WDR90: variants seen among roughly 807,000 people sequenced by gnomAD.
The protein encoded by WDR90 is WD repeat domain 90, also known as WD repeat-containing protein 90.
Under a neutral mutation model 195.2 loss-of-function variants are expected in WDR90, and 238 were observed. The ratio of observed to expected loss-of-function variants is 1.22; its 90% CI spans 1.10 to 1.36. The LOEUF (loss-of-function observed/expected upper bound fraction) is 1.36. WDR90 is among the 40% of genes most tolerant of loss of function. The pLI is 0.00. For synonymous variants in WDR90, 1,265 were observed against 1,052.4 expected, an observed-to-expected ratio of 1.20 and a Z score of -3.91; for missense variants, 2,734 against 2,439.5, an observed-to-expected ratio of 1.12 and a Z score of -2.54.
At chr16:654,791 T>G in intron 13 of WDR90, 1 of 560,216 alleles carries the variant, frequency 1.8e-6, no homozygotes, top group East Asian at 2.9e-5. Flanking sequence ...CGGGGGGGTT[T>G]GTACTTCTCT....
At chr16:659,989 C>A in intron 26 of WDR90, 69 bp from the exon 27 acceptor site, 1 of 1,171,580 alleles carries the variant, frequency 8.5e-7, no homozygotes, top group Non-Finnish European at 1.2e-6. Flanking sequence ...GGGGAGACTG[C>A]GTGTAGTGTG....
At chr16:659,464 A>G in intron 26 of WDR90, 88 bp downstream of exon 26, 1 of 1,497,972 alleles carries the variant, frequency 6.7e-7, no homozygotes, top group Non-Finnish European at 9.0e-7. Flanking sequence ...ACGCACGTCC[A>G]GCTCTGGGGT....
rs1285250814 is a variant in WDR90 at position 662,203 on chromosome 16, GC to G, written c.4034-16del. 2 of 1,531,898 alleles carry G rather than the reference GC, an allele frequency of 1.3e-6. No individual in the cohort carries two copies. The highest frequency in any genetic ancestry group is 1.8e-6 in the Non-Finnish European group (2 of 1,137,770). 94.9% of individuals were successfully genotyped at this position (1,531,898 alleles called of 1,614,324 possible). ...GGGAAGGCAGCCGTGGCCCCTTATG[GC>G]TCCTCCTGCCCCTAGGGCTGTTGCT... On this transcript the variant is annotated splice_polypyrimidine_tract_variant and intron_variant, in intron 32 of 40. Coordinates refer to ENST00000293879, the MANE Select transcript of WDR90 (RefSeq NM_145294.5).
rs2037753216 is a variant in WDR90, at chr16:656,313, C to T, written c.1978C>T (p.Pro660Ser). 6.2e-7 allele frequency: 1 copy of T among 1,607,614 alleles called. No individual in the cohort carries two copies. Among genetic ancestry groups the T allele is most frequent in the African/African-American group, 1.3e-5 (1 of 74,834 alleles). ...CACCCCACCCACAGAGCACGAGGGC[C>T]CCGTCAGCTCAGTCTGTGTCAGCCC... Reference protein sequence around the residue: ...SVLLEAEHEGPVSSVCVSPDG... With the variant: ...SVLLEAEHEGSVSSVCVSPDG... Residue 660 changes from proline (P) to serine (S), a missense_variant, in exon 18 of 41, where the codon CCC (proline) becomes TCC (serine). By Grantham distance (74) the Pro-to-Ser change is moderately conservative. Transcript: ENST00000293879.
Position 658,227 on chromosome 16 carries a change from C to G in WDR90, c.2649C>G (p.Arg883=). Residue 883 remains arginine, a synonymous_variant, in exon 22 of 41, where the codon CGC becomes CGG. Transcript: ENST00000293879. ...DIGTLDLASS[R]LDSAMAVCFG... is the part of the protein sequence containing the mutation. ...GCACTCTGGACCTGGCCAGCAGCCGCCTGGACTCAGCCATGGCTGTGTGCT... is the reference window on the plus strand; with the variant it reads ...GCACTCTGGACCTGGCCAGCAGCCGGCTGGACTCAGCCATGGCTGTGTGCT... 1 of 1,612,482 alleles carries G rather than the reference C, an allele frequency of 6.2e-7. No individual in the cohort carries two copies. Among genetic ancestry groups the G allele is most frequent in the Non-Finnish European group, 8.5e-7 (1 of 1,179,848 alleles).
chr16:657,116 C>T lies in WDR90; in HGVS notation c.2368C>T (p.Leu790=), dbSNP rs772587958. ...HTCHRGAVTG[L]TATPDGRLLF... ...GTGCCACCGAGGAGCTGTCACCGGC[C>T]TGACCGCCACCCCTGACGGCCGCCT... The change falls in exon 20 of 41, where the codon CTG becomes TTG. Residue 790 remains leucine (L), a synonymous_variant. Coordinates refer to ENST00000293879, the MANE Select transcript of WDR90 (RefSeq NM_145294.5). The T allele has an allele frequency of 3.1e-6, 5 of 1,590,820 alleles. No homozygotes were observed. Among genetic ancestry groups the T allele is most frequent in the Non-Finnish European group, 4.3e-6 (5 of 1,171,134 alleles).
At chr16:650,502 G>C (rs749932195) in intron 4 of WDR90, 37 bp from the exon 5 acceptor site, 1 of 1,588,968 alleles carries the variant, frequency 6.3e-7, no homozygotes, top group Admixed American at 1.7e-5. Flanking sequence ...CGGGCTGTCA[G>C]GAGGGTGGGC....
rs765334145 is a variant in WDR90, at chr16:665,524, G to A, written c.4312-155G>A. 4.9e-5 allele frequency: 59 copies of A among 1,201,620 alleles called. No homozygotes were observed. In the South Asian group the frequency reaches 6.3e-4, roughly 13 times the overall value. The allele number at this position is 1,201,620 out of a possible 1,614,324, so 74.4% of individuals were successfully genotyped here. On this transcript the variant is annotated intron_variant, in intron 34 of 40. Transcript: ENST00000293879. ...TAGTGCAGGGACACACACGGGGGCCGGCATTGCTCCTTTCCGCCATGTGGA... is the reference window on the plus strand; with the variant it reads ...TAGTGCAGGGACACACACGGGGGCCAGCATTGCTCCTTTCCGCCATGTGGA...
chr16:649,878 G>T (rs764115441), intron 2 of WDR90, 24 bp downstream of exon 2: 18 of 1,576,482 alleles, frequency 1.1e-5, no homozygotes, highest in African/African-American at 2.7e-5. Context: ...GGCTCGCCCG[G>T]AGCCCACACC....
chr16:649,017 A>C, upstream of WDR90: 1 of 194,888 alleles, frequency 5.1e-6, no homozygotes, highest in Non-Finnish European at 1.0e-5. Flanking sequence ...AGAGAGCGGC[A>C]GGGTGAGGCC....
Position 666,268 on chromosome 16 carries a change from A to AC in WDR90, c.4662dup (p.Cys1555LeufsTer11). On this transcript the variant is annotated frameshift_variant, in exon 37 of 41. Transcript: ENST00000293879. LOFTEE classifies it high-confidence loss of function. ...AAGGATGGGCTCGTGGCTGTGAGCC[A>AC]CCCCTGCACAGGGACAACCTTCCGT... The AC allele has an allele frequency of 6.2e-7, 1 of 1,612,572 alleles. No homozygotes were observed. The highest frequency in any genetic ancestry group is 8.5e-7 in the Non-Finnish European group (1 of 1,179,952).
Position 660,666 on chromosome 16 carries a change from G to A in WDR90, c.3343G>A (p.Gly1115Ser), listed in dbSNP as rs369575314. The A allele has an allele frequency of 2.7e-5, 43 of 1,581,872 alleles. No homozygotes were observed. The highest frequency in any genetic ancestry group is 3.6e-5 in the Non-Finnish European group (42 of 1,164,990). ...GTGGCTGCGTCTGAAGGCTGTCGTCGGTTACAGCGGGAATGGGCGGGCCAA... is the reference window on the plus strand; with the variant it reads ...GTGGCTGCGTCTGAAGGCTGTCGTCAGTTACAGCGGGAATGGGCGGGCCAA... ...GGWLRLKAVV[G>S]YSGNGRANMV... Residue 1115 changes from glycine (G) to serine (S), a missense_variant, in exon 28 of 41, where the codon GGT becomes AGT. Physicochemically the swap from Gly to Ser is moderately conservative, Grantham distance 56 (BLOSUM62 0). Transcript: ENST00000293879.
rs1210750151 is a variant in WDR90, at chr16:655,706, A to G, written c.1849+3A>G. ...ACAGAAGCAGACCTTCAGCTCAGGT[A>G]AGAGGGCGCCCACCACGTGGCCAGG... On this transcript the variant is annotated splice_donor_region_variant and intron_variant, in intron 16 of 40. Transcript: ENST00000293879. 5.0e-6 allele frequency: 8 copies of G among 1,589,482 alleles called. No homozygotes were observed. The highest frequency in any genetic ancestry group is 4.5e-5 in the East Asian group (2 of 44,026).
chr16:649,631 C>CTGGCGT (rs767098252), intron 1 of WDR90, 132 bp from the exon 2 acceptor site: 116 of 1,168,120 alleles, frequency 9.9e-5, no homozygotes, highest in Non-Finnish European at 1.3e-4. Context: ...GCCAGCCTAG[C>CTGGCGT]TGGCGTTGGC....
chr16:655,000 C>A (rs749332947), intron 13 of WDR90, 29 bp from the exon 14 acceptor site: 1 of 1,604,884 alleles, frequency 6.2e-7, no homozygotes, highest in Non-Finnish European at 8.5e-7. Flanking sequence ...CTGGCCCTGC[C>A]GTGCGGGCTC....
chr16:652,426 G>A, intron 9 of WDR90, 41 bp from the exon 10 acceptor site: 1 of 1,561,930 alleles, frequency 6.4e-7, no homozygotes. Flanking sequence ...CTGGGGACCT[G>A]GCTGAGCCTC....
rs377693864 is a variant in WDR90 at position 662,252 on chromosome 16, A to G, written c.4066A>G (p.Ser1356Gly). 183 of 1,583,360 alleles carry G rather than the reference A, an allele frequency of 1.2e-4. 1 individual carries two copies. The African/African-American group carries it at 2.1e-3, about 18-fold the overall frequency. The change falls in exon 33 of 41, where the codon AGC becomes GGC. Residue 1356 changes from serine (S) to glycine (G), a missense_variant. Coordinates refer to ENST00000293879, the MANE Select transcript of WDR90 (RefSeq NM_145294.5). ...GCTGTTCTCGGGTTCTCGATTGGTC[A>G]GCGGCAGCAGCACGGGGCGGCTGCG... ...LLLFSGSRLV[S>G]GSSTGRLRLW... is the part of the protein sequence containing the mutation.
Position 662,685 on chromosome 16 carries a change from G to A in WDR90, c.4152G>A (p.Val1384=). 1 of 1,551,822 alleles carries A rather than the reference G, an allele frequency of 6.4e-7. No individual in the cohort carries two copies. Among genetic ancestry groups the A allele is most frequent in the East Asian group, 2.3e-5 (1 of 44,184 alleles). The change falls in exon 34 of 41, where the codon GTG becomes GTA. Residue 1384 remains valine (V), a synonymous_variant. Transcript: ENST00000293879. ...CCTGCACCCTGAGGTCCAGTTCTGTGTTCATGGAACACGAGCTGGTGCTGG... is the reference window on the plus strand; with the variant it reads ...CCTGCACCCTGAGGTCCAGTTCTGTATTCATGGAACACGAGCTGGTGCTGG... ...LRCKGSGASS[V]FMEHELVLDG...
chr16:657,865 A>G lies in WDR90; in HGVS notation c.2577A>G (p.Thr859=), dbSNP rs773765654. The change falls in exon 21 of 41, where the codon ACA becomes ACG. Residue 859 remains threonine, a synonymous_variant. Coordinates refer to ENST00000293879, the MANE Select transcript of WDR90 (RefSeq NM_145294.5). ...TGGGACCCTCCAGGTGCACAGTGAC[A>G]GTCATGGGCTCGGCCTCCCTTGATG... ...AFVGPSRCTV[T]VMGSASLDEL... The G allele has an allele frequency of 5.0e-6, 8 of 1,588,332 alleles. No homozygotes were observed. The South Asian group carries it at 9.1e-5, about 18-fold the overall frequency.
Sources: allele counts gnomAD v4.1 joint callset, GRCh38; gene constraint gnomAD v4.1.1; transcripts MANE v1.5; gene names NCBI Gene and HGNC (gene_info 2026-07-23, HGNC 2026-07-21).